The following NXPE1 variants were observed in gnomAD, a reference collection of about 807,000 sequenced individuals.
NXPE1 encodes the protein neurexophilin and PC-esterase domain family member 1, also known as NXPE family member 1.
A neutral mutation model predicts 33.3 loss-of-function variants in NXPE1; 31 were observed. The ratio of observed to expected loss-of-function variants is 0.93; its 90% confidence interval spans 0.70 to 1.26. NXPE1 has a LOEUF of 1.26. Among genes scored for constraint, NXPE1 ranks in the 50% most tolerant of loss-of-function variants. NXPE1 has a pLI of 0.00. For synonymous variants in NXPE1, 229 were observed against 231.4 expected, an observed-to-expected ratio of 0.99 and a Z score of 0.09; for missense variants, 661 against 655.6, an observed-to-expected ratio of 1.01 and a Z score of -0.09.
chr11:114,531,815 C>T (rs1402097092), intron 5 of NXPE1, among the ~76,000 whole-genome samples: 1 of 152,176 alleles, frequency 6.6e-6, no homozygotes, highest in Non-Finnish European at 1.5e-5. Flanking sequence ...GAAATCACTA[C>T]AACCTCAGAG....
intron 5 of NXPE1, among the ~76,000 whole-genome samples, chr11:114,532,837 A>G (rs919802000): frequency 1.3e-5 from 2 of 152,186 alleles, no homozygotes; most frequent in Admixed American, 6.5e-5. Flanking sequence ...AAATGGTTCT[A>G]GAGTGAAAAA....
exon 8 of NXPE1, chr11:114,523,037 C>A (rs1458212824): frequency 4.3e-6 from 7 of 1,613,748 alleles, no homozygotes; most frequent in Non-Finnish European, 5.9e-6. Flanking sequence ...AGTATAACCA[C>A]CAGGGACAGG....
intron 5 of NXPE1, among the ~76,000 whole-genome samples, chr11:114,532,435 A>G (rs1947618216): frequency 6.6e-6 from 1 of 152,158 alleles, no homozygotes; most frequent in Non-Finnish European, 1.5e-5. Flanking sequence ...AAAATAGAAT[A>G]GAAAATAATC....
chr11:114,540,164 C>T (rs767627016), intron 5 of NXPE1, among the ~76,000 whole-genome samples: 13 of 152,186 alleles, frequency 8.5e-5, no homozygotes, highest in Non-Finnish European at 1.8e-4. Context: ...ACCATGTTGG[C>T]CAGGCTGGCC....
chr11:114,530,612 C>A, exon 6 of NXPE1: 1 of 1,614,154 alleles, frequency 6.2e-7, no homozygotes, highest in South Asian at 1.1e-5. Flanking sequence ...CACCATATTG[C>A]TTCCTCTGTC....
downstream of NXPE1, among the ~76,000 whole-genome samples, chr11:114,519,398 T>C (rs911158472): frequency 6.6e-6 from 1 of 152,328 alleles, no homozygotes; most frequent in South Asian, 2.1e-4. Flanking sequence ...AAAGAGATGG[T>C]AAATGTTTTA....
At chr11:114,542,707 A>G (rs1015898141) in intron 5 of NXPE1, among the ~76,000 whole-genome samples, 9 of 152,152 alleles carry the variant, frequency 5.9e-5, no homozygotes, top group Admixed American at 1.3e-4. Context: ...GTTACTTTCA[A>G]TATTGCTCAT....
chr11:114,525,134 C>T (rs910979935), intron 7 of NXPE1, among the ~76,000 whole-genome samples: 2 of 151,810 alleles, frequency 1.3e-5, no homozygotes, highest in Non-Finnish European at 2.9e-5. Context: ...CATCTTGTCT[C>T]AACAATGGAG....
At chr11:114,539,660 T>G (rs1948008376) in intron 5 of NXPE1, among the ~76,000 whole-genome samples, 1 of 152,176 alleles carries the variant, frequency 6.6e-6, no homozygotes. Context: ...GATTAACTAA[T>G]TCCAAAATTT....
chr11:114,530,870 G>A (rs769900054), exon 6 of NXPE1: 9 of 1,613,134 alleles, frequency 5.6e-6, no homozygotes, highest in Non-Finnish European at 7.6e-6. Context: ...AGTTGTTCCA[G>A]TAATGGACAG....
intron 1 of NXPE1, among the ~76,000 whole-genome samples, chr11:114,556,724 T>C (rs532077520): frequency 6.6e-6 from 1 of 152,236 alleles, no homozygotes; most frequent in African/African-American, 2.4e-5. Flanking sequence ...TTAATACTGT[T>C]CTATGAGAAA....
intron 5 of NXPE1, among the ~76,000 whole-genome samples, chr11:114,539,084 C>T (rs1947974037): frequency 6.6e-6 from 1 of 152,138 alleles, no homozygotes; most frequent in Non-Finnish European, 1.5e-5. Context: ...CACATATACA[C>T]ATGGAATACT....
At chr11:114,547,511 G>A (rs1189437203) in intron 5 of NXPE1, among the ~76,000 whole-genome samples, 1 of 152,310 alleles carries the variant, frequency 6.6e-6, no homozygotes, top group East Asian at 1.9e-4. Flanking sequence ...GAGGCAGGTT[G>A]ATCACTTGAG....
intron 1 of NXPE1, among the ~76,000 whole-genome samples, 199 bp from the exon 2 acceptor site, chr11:114,553,079 A>G (rs1206995382): frequency 1.3e-5 from 2 of 152,090 alleles, no homozygotes; most frequent in African/African-American, 2.4e-5. Context: ...AATCTCCACC[A>G]TGCTTCCTGG....
chr11:114,552,864 AG>A (rs1948544362), exon 2 of NXPE1: 1 of 977,546 alleles, frequency 1.0e-6, no homozygotes, highest in African/African-American at 1.8e-5. Flanking sequence ...AATAGGTGTC[AG>A]GTAGCACAGA....
chr11:114,535,889 C>A (rs1278283047), intron 5 of NXPE1, among the ~76,000 whole-genome samples: 2 of 152,142 alleles, frequency 1.3e-5, no homozygotes, highest in Admixed American at 6.5e-5. Context: ...AGAAAGTTAA[C>A]AAGGATATAC....
intron 5 of NXPE1, among the ~76,000 whole-genome samples, chr11:114,545,660 C>T (rs969495179): frequency 1.1e-4 from 16 of 151,266 alleles, no homozygotes; most frequent in Admixed American, 9.9e-4. Context: ...ACTGCAAAAG[C>T]TCATTGAATC....
At chr11:114,543,666 A>T (rs1323155985) in intron 5 of NXPE1, among the ~76,000 whole-genome samples, 1 of 152,184 alleles carries the variant, frequency 6.6e-6, no homozygotes. Flanking sequence ...CTTCCCCAAT[A>T]TTGGAACCAG....
intron 6 of NXPE1, chr11:114,528,845 A>T: frequency 1.5e-6 from 1 of 674,726 alleles, no homozygotes; most frequent in Non-Finnish European, 2.7e-6. Flanking sequence ...GAGAAGAGAA[A>T]GGATCAGCAT....
Sources: allele counts gnomAD v4.1 joint callset (sites outside exome capture counted in the v4.1 genomes callset), GRCh38; gene constraint gnomAD v4.1.1; transcripts MANE v1.5; gene names NCBI Gene and HGNC (gene_info 2026-07-23, HGNC 2026-07-21).